Variants in SLC7A7 observed in about 807,000 individuals in gnomAD.
SLC7A7 encodes solute carrier family 7 member 7.
In SLC7A7, 39 loss-of-function variants were observed where a neutral mutation model predicts 47.9. The observed-to-expected ratio is 0.81, with a 90% CI of 0.63 to 1.06. The LOEUF (loss-of-function observed/expected upper bound fraction) is 1.06. Ranked by LOEUF, SLC7A7 falls within the 50% of genes least tolerant of loss-of-function variation. SLC7A7 has a pLI of 0.00. For missense variants in SLC7A7, 588 were observed against 632.0 expected, an observed-to-expected ratio of 0.93 and a Z score of 0.75; for synonymous variants, 234 against 242.8, an observed-to-expected ratio of 0.96 and a Z score of 0.34.
At chr14:22,804,020 T>C (rs1246911547) in intron 2 of SLC7A7, among the ~76,000 whole-genome samples, 1 of 152,166 alleles carries the variant, frequency 6.6e-6, no homozygotes, top group African/African-American at 2.4e-5. Flanking sequence ...TAGATTGGTT[T>C]CCCAGTTACT....
In SLC7A7 at chr14:22,775,824, C is replaced by T. The variant is rs1350841635; in HGVS notation, c.998+9G>A. The T allele has an allele frequency of 3.1e-6, 5 of 1,607,254 alleles. No homozygotes were observed. Among genetic ancestry groups the T allele is most frequent in the Non-Finnish European group, 4.3e-6 (5 of 1,173,722 alleles). On this transcript the variant is annotated intron_variant, in intron 6 of 9. Coordinates refer to ENST00000674313, the MANE Select transcript of SLC7A7 (RefSeq NM_003982.4). ...ATGATACACCCCTCACAAAAGTTGC[C>T]ACTCTTACCTAGAAGCAGCCACAAT...
intron 2 of SLC7A7, among the ~76,000 whole-genome samples, chr14:22,812,409 T>G (rs529229854): frequency 6.6e-6 from 1 of 151,834 alleles, no homozygotes; most frequent in Non-Finnish European, 1.5e-5. Context: ...TCAGGTGATC[T>G]GCCCACTTCA....
chr14:22,785,180 A>G (rs2038791619), intron 2 of SLC7A7, among the ~76,000 whole-genome samples: 1 of 151,822 alleles, frequency 6.6e-6, no homozygotes, highest in African/African-American at 2.4e-5. Context: ...TTGGAGGCAG[A>G]GGTAGGAGAA....
chr14:22,818,024 C>CAAAAAAA (rs775030790), upstream of SLC7A7, among the ~76,000 whole-genome samples: 1,415 of 139,052 alleles, frequency 0.01, 20 homozygotes, highest in African/African-American at 0.035. Context: ...CTAAAGCAAA[C>CAAAAAAA]AAAAAAAAAA....
intron 2 of SLC7A7, among the ~76,000 whole-genome samples, chr14:22,796,589 G>A (rs948551953): frequency 8.5e-5 from 13 of 152,194 alleles, no homozygotes; most frequent in African/African-American, 3.1e-4. Context: ...TAAACAAAGA[G>A]CCCTGAACTG....
In SLC7A7 at chr14:22,813,401, TGGA is replaced by T; in HGVS notation, c.-6_-4del. The T allele has an allele frequency of 2.5e-6, 4 of 1,610,694 alleles. No individual in the cohort carries two copies. The highest frequency in any genetic ancestry group is 3.4e-6 in the Non-Finnish European group (4 of 1,180,004). ...TCATACTCAGTGCTGTCAACCATGG[TGGA>T]GGAGAGGAAACCCTTCACCAGCTTC... is the stretch of plus-strand genomic sequence containing the variant. On this transcript the variant is annotated 5_prime_UTR_variant, in exon 2 of 10. Coordinates refer to ENST00000674313, the MANE Select transcript of SLC7A7 (RefSeq NM_003982.4).
At chr14:22,810,020 C>G (rs1594981564) in intron 2 of SLC7A7, among the ~76,000 whole-genome samples, 1 of 87,100 alleles carries the variant, frequency 1.1e-5, no homozygotes, top group African/African-American at 4.7e-5. Flanking sequence ...GCCTGGGCAA[C>G]AAGAGGGAAA....
Position 22,775,474 on chromosome 14 carries a change from C to A in SLC7A7, c.1065G>T (p.Arg355=). Reference sequence around the variant, plus strand: ...AGAGCAGAGAAGGCACTGGTGTGAACCGCTCAACATGGATCATGCAGATGG... The same window carrying A: ...AGAGCAGAGAAGGCACTGGTGTGAAACGCTCAACATGGATCATGCAGATGG... ...PDAICMIHVE[R]FTPVPSLLFN... is the part of the protein sequence containing the mutation. The change falls in exon 7 of 10, where the codon CGG becomes CGT. Residue 355 remains arginine (R), a synonymous_variant. Coordinates refer to ENST00000674313, the MANE Select transcript of SLC7A7 (RefSeq NM_003982.4). 1 of 1,614,140 alleles carries A rather than the reference C, an allele frequency of 6.2e-7. No individual in the cohort carries two copies. The highest frequency in any genetic ancestry group is 8.5e-7 in the Non-Finnish European group (1 of 1,180,008).
upstream of SLC7A7, chr14:22,815,810 C>CT: frequency 2.5e-6 from 1 of 395,028 alleles, no homozygotes; most frequent in Non-Finnish European, 5.1e-6. Flanking sequence ...ATGCCCCACC[C>CT]TAGCCTCTCT....
chr14:22,786,144 A>C (rs1258810370), intron 2 of SLC7A7, among the ~76,000 whole-genome samples: 3 of 150,952 alleles, frequency 2.0e-5, no homozygotes, highest in South Asian at 4.2e-4. Flanking sequence ...CATGGTGAAA[A>C]CCTGTCTCTA....
rs146582474 is a variant in SLC7A7, at chr14:22,775,938, T to A, written c.895-2A>T. ...TCCAAATATCTGATCTGCAAAAGTC[T>A]AAGGGAAAAGAATGGAAGAGTCATT... On this transcript the variant is annotated splice_acceptor_variant, in intron 5 of 9. Transcript: ENST00000674313. LOFTEE classifies it high-confidence loss of function. 294 of 1,609,168 alleles carry A rather than the reference T, an allele frequency of 1.8e-4. No homozygotes were observed. The highest frequency in any genetic ancestry group is 1.1e-5 in the Non-Finnish European group (13 of 1,175,412).
chr14:22,809,953 C>T (rs1292735317), intron 2 of SLC7A7, among the ~76,000 whole-genome samples: 7 of 145,534 alleles, frequency 4.8e-5, no homozygotes, highest in African/African-American at 1.3e-4. Context: ...GCAAGAGAAT[C>T]GCTGGAACTC....
At chr14:22,806,787 A>T (rs1369343029) in intron 2 of SLC7A7, among the ~76,000 whole-genome samples, 1 of 152,112 alleles carries the variant, frequency 6.6e-6, no homozygotes, top group Admixed American at 6.6e-5. Flanking sequence ...GATTTTAAAC[A>T]GGGAGCAACA....
At chr14:22,818,782 T>C (rs1357389579), upstream of SLC7A7, among the ~76,000 whole-genome samples, 2 of 151,732 alleles carry the variant, frequency 1.3e-5, no homozygotes, top group Non-Finnish European at 2.9e-5. Context: ...TTAGTAGAGA[T>C]GGGGTTTCAC....
At chr14:22,790,485 C>G (rs530293791) in intron 2 of SLC7A7, among the ~76,000 whole-genome samples, 1 of 152,158 alleles carries the variant, frequency 6.6e-6, no homozygotes, top group South Asian at 2.1e-4. Context: ...ATTTCCCTCT[C>G]ACTGCAATCA....
chr14:22,773,732 T>G lies in SLC7A7; in HGVS notation c.1430-16A>C. ...GTGGCAGACCCTACAAAGAGAACTT[T>G]GAGTTGGAATTGAGAAGAGGTCAGC... is the stretch of plus-strand genomic sequence containing the variant. On this transcript the variant is annotated splice_polypyrimidine_tract_variant and intron_variant, in intron 9 of 9. Coordinates refer to ENST00000674313, the MANE Select transcript of SLC7A7 (RefSeq NM_003982.4). 1 of 1,612,926 alleles carries G rather than the reference T, an allele frequency of 6.2e-7. No individual in the cohort carries two copies. The highest frequency in any genetic ancestry group is 8.5e-7 in the Non-Finnish European group (1 of 1,179,000).
At chr14:22,802,759 T>A (rs2039137645) in intron 2 of SLC7A7, among the ~76,000 whole-genome samples, 1 of 152,154 alleles carries the variant, frequency 6.6e-6, no homozygotes, top group African/African-American at 2.4e-5. Flanking sequence ...ACCCCAGCTA[T>A]ATCACTCCCC....
intron 2 of SLC7A7, among the ~76,000 whole-genome samples, chr14:22,787,576 C>G (rs556683019): frequency 6.6e-6 from 1 of 150,878 alleles, no homozygotes; most frequent in Admixed American, 6.6e-5. Flanking sequence ...TATGGCAAAA[C>G]CCCATCTCTA....
At chr14:22,812,428 A>G (rs34172127) in intron 2 of SLC7A7, among the ~76,000 whole-genome samples, 80,896 of 151,518 alleles carry the variant, frequency 0.53, 21,859 homozygotes, top group East Asian at 0.8. Context: ...CAGCCTCCCA[A>G]AGTGCTGGGA....
Sources: allele counts gnomAD v4.1 joint callset (sites outside exome capture counted in the v4.1 genomes callset), GRCh38; gene constraint gnomAD v4.1.1; transcripts MANE v1.5; gene names NCBI Gene and HGNC (gene_info 2026-07-23, HGNC 2026-07-21).